The following PACS1 variants were observed in gnomAD, a reference collection of about 807,000 sequenced individuals.
PACS1 encodes the protein phosphofurin acidic cluster sorting protein 1, also known as PACS-1.
A neutral mutation model predicts 115.0 loss-of-function variants in PACS1; 24 were observed. That is an observed-to-expected ratio of 0.21 (90% CI 0.15 to 0.29). The LOEUF is 0.29. Ranked by LOEUF, PACS1 falls within the 10% of genes least tolerant of loss-of-function variation. The pLI is 1.00. For synonymous variants in PACS1, 453 were observed against 504.5 expected, an observed-to-expected ratio of 0.90 and a Z score of 1.37; for missense variants, 838 against 1,251.2, an observed-to-expected ratio of 0.67 and a Z score of 4.98.
chr11:66,198,205 G>T (rs530184086), intron 2 of PACS1, among the ~76,000 whole-genome samples: 1 of 152,318 alleles, frequency 6.6e-6, no homozygotes, highest in African/African-American at 2.4e-5. Context: ...GTGCCACCAT[G>T]CCCGGTTCTC....
rs780017858 is a variant in PACS1 at position 66,211,116 on chromosome 11, C to G, written c.535-18C>G. On this transcript the variant is annotated intron_variant, in intron 3 of 23. Coordinates refer to ENST00000320580, the MANE Select transcript of PACS1 (RefSeq NM_018026.4). ...AGCTGCCCATTAACCACGCTCGACT[C>G]TGTTTTGTATTTCGTAGTACCCTCA... 6.2e-7 allele frequency: 1 copy of G among 1,612,968 alleles called. No individual in the cohort carries two copies.
chr11:66,242,269 C>T (rs1029054888), intron 22 of PACS1, among the ~76,000 whole-genome samples: 1 of 152,220 alleles, frequency 6.6e-6, no homozygotes, highest in Non-Finnish European at 1.5e-5. Context: ...ACTGGTAGTG[C>T]ACCTGCAGCA....
At position 66,076,644 on chromosome 11, in the gene PACS1, C is replaced by T. The variant is rs1041240313; in HGVS notation, c.356+5802C>T. On this transcript the variant is annotated intron_variant, in intron 1 of 23. Coordinates refer to ENST00000320580, the MANE Select transcript of PACS1 (RefSeq NM_018026.4). ...CTGACCTCAAGTGATCCGGCGGCCT[C>T]GGCCTCCCAAAGTGCTGGGATTACA... is the stretch of plus-strand genomic sequence containing the variant. Among the ~76,000 whole-genome samples the T allele has an allele frequency of 1.2e-4, 19 of 152,206 alleles. No homozygotes were observed. The East Asian group carries it at 2.5e-3, about 20-fold the overall frequency.
At chr11:66,092,948 G>C (rs563701740) in intron 1 of PACS1, among the ~76,000 whole-genome samples, 1 of 151,516 alleles carries the variant, frequency 6.6e-6, no homozygotes, top group Non-Finnish European at 1.5e-5. Context: ...GTCAGGTAGC[G>C]TGATGCCTCC....
Position 66,096,205 on chromosome 11 carries a change from CTTTCTTTTTTTTT to C in PACS1, c.356+25367_356+25379del, listed in dbSNP as rs1299902041. ...TGCCTGGTTTTCTTTTTATCTTTTT[CTTTCTTTTTTTTT>C]TTTTTTTTTTTTTTTGATGTAGGGT... On this transcript the variant is annotated intron_variant, in intron 1 of 23. Transcript: ENST00000320580. 1.2e-3 allele frequency among the ~76,000 whole-genome samples: 138 copies of C among 111,188 alleles called. 1 individual carries two copies. The highest frequency in any genetic ancestry group is 4.3e-3 in the African/African-American group (131 of 30,374). 72.9% of individuals were successfully genotyped at this position (111,188 alleles called of 152,430 possible).
intron 11 of PACS1, among the ~76,000 whole-genome samples, chr11:66,227,938 CACA>C (rs1485079419): frequency 1.3e-5 from 2 of 152,138 alleles, no homozygotes; most frequent in African/African-American, 4.8e-5. Context: ...CCAGGCAACC[CACA>C]ACATTCAGTC....
At chr11:66,172,216 G>C (rs941832330) in intron 1 of PACS1, among the ~76,000 whole-genome samples, 1 of 151,620 alleles carries the variant, frequency 6.6e-6, no homozygotes, top group Non-Finnish European at 1.5e-5. Context: ...TTACTTTTAC[G>C]GTATATCCTT....
At chr11:66,095,790 A>G (rs1857767435) in intron 1 of PACS1, among the ~76,000 whole-genome samples, 1 of 152,278 alleles carries the variant, frequency 6.6e-6, no homozygotes, top group Admixed American at 6.5e-5. Context: ...TCAAAGTTAT[A>G]CATATATTTT....
chr11:66,071,651 A>T (rs1857311889), intron 1 of PACS1, among the ~76,000 whole-genome samples: 1 of 152,204 alleles, frequency 6.6e-6, no homozygotes. Context: ...ACAGTTTGCC[A>T]CTTGAATAAG....
chr11:66,158,912 A>G (rs753891719), intron 1 of PACS1, among the ~76,000 whole-genome samples: 10 of 152,212 alleles, frequency 6.6e-5, no homozygotes, highest in Non-Finnish European at 1.2e-4. Flanking sequence ...AAGACCCTCA[A>G]CAGAGTACAT....
At chr11:66,231,996 C>T in intron 13 of PACS1, 176 bp from the exon 14 acceptor site, 1 of 572,672 alleles carries the variant, frequency 1.7e-6, no homozygotes, top group Non-Finnish European at 3.1e-6. Context: ...CTGCTTCTTT[C>T]TCCTCCTTTC....
chr11:66,118,644 A>G (rs1204895844), intron 1 of PACS1, among the ~76,000 whole-genome samples: 1 of 151,404 alleles, frequency 6.6e-6, no homozygotes, highest in Non-Finnish European at 1.5e-5. Context: ...GATATTTTCT[A>G]GGCCAGGCGT....
chr11:66,238,681 T>G (rs750781823), intron 19 of PACS1, 123 bp from the exon 20 acceptor site: 5 of 950,020 alleles, frequency 5.3e-6, no homozygotes, highest in Non-Finnish European at 8.2e-6. Context: ...TTGCAAAGAT[T>G]TTAAAGTCGG....
chr11:66,091,509 T>G (rs985743497), intron 1 of PACS1, among the ~76,000 whole-genome samples: 5 of 151,092 alleles, frequency 3.3e-5, no homozygotes, highest in Admixed American at 1.3e-4. Flanking sequence ...TGTTGTTTTT[T>G]TTCTTTTTTT....
chr11:66,197,179 T>C (rs10791856), intron 2 of PACS1, among the ~76,000 whole-genome samples: 36,863 of 151,960 alleles, frequency 0.24, 4,907 homozygotes, highest in East Asian at 0.44. Flanking sequence ...TTTAAATGTA[T>C]CCAAGAGATG....
chr11:66,163,091 G>A (rs1312383065), intron 1 of PACS1, among the ~76,000 whole-genome samples: 1 of 152,168 alleles, frequency 6.6e-6, no homozygotes, highest in African/African-American at 2.4e-5. Flanking sequence ...GCTCACACCT[G>A]TAATCCCAGA....
intron 1 of PACS1, among the ~76,000 whole-genome samples, chr11:66,136,649 A>AT (rs1263795794): frequency 6.6e-6 from 1 of 151,970 alleles, no homozygotes; most frequent in Non-Finnish European, 1.5e-5. Context: ...CTTCCAAAAA[A>AT]CTTCATACAA....
chr11:66,235,228 C>G lies in PACS1; in HGVS notation c.2105-73C>G. ...GTCTGACGGGTCTCAGGAAGGGATC[C>G]CTCTCCGAGAGGGTCTGCAGGTTTG... On this transcript the variant is annotated intron_variant, in intron 17 of 23. Transcript: ENST00000320580. The surrounding 1 kb of genome is among the most constrained non-coding windows in gnomAD (Gnocchi z 5.6). The G allele has an allele frequency of 9.3e-7, 1 of 1,071,956 alleles. No individual in the cohort carries two copies. Among genetic ancestry groups the G allele is most frequent in the Non-Finnish European group, 1.4e-6 (1 of 693,790 alleles). 66.4% of individuals were successfully genotyped at this position (1,071,956 alleles called of 1,614,324 possible). A position where few individuals can be genotyped will look rare whatever the true frequency, so the allele number is the denominator to read the frequency against.
intron 1 of PACS1, among the ~76,000 whole-genome samples, chr11:66,132,029 G>C (rs190766253): frequency 6.6e-6 from 1 of 151,824 alleles, no homozygotes; most frequent in South Asian, 2.1e-4. Flanking sequence ...ATCTCTGGGG[G>C]ATTGGTTCCA....
Sources: allele counts gnomAD v4.1 joint callset (sites outside exome capture counted in the v4.1 genomes callset), GRCh38; gene constraint gnomAD v4.1.1; non-coding constraint Gnocchi (gnomAD v3.1); transcripts MANE v1.5; gene names NCBI Gene and HGNC (gene_info 2026-07-23, HGNC 2026-07-21).